The following SLC24A2 variants were observed in gnomAD, a reference collection of about 807,000 sequenced individuals.
SLC24A2 encodes sodium/potassium/calcium exchanger 2.
Under a neutral mutation model 62.0 loss-of-function variants are expected in SLC24A2, and 36 were observed. That is an observed-to-expected ratio of 0.58 (90% confidence interval 0.44 to 0.77). SLC24A2 has a LOEUF of 0.77. Among genes scored for constraint, SLC24A2 ranks in the 30% least tolerant of loss-of-function variants. The pLI is 0.00. For missense variants in SLC24A2, 846 were observed against 817.9 expected (o/e 1.03, Z -0.42); for synonymous variants, 358 against 294.0 (o/e 1.22, Z -2.23).
At chr9:19,773,289 C>T (rs904378927) in intron 2 of SLC24A2, among the ~76,000 whole-genome samples, 1 of 152,134 alleles carries the variant, frequency 6.6e-6, no homozygotes, top group Non-Finnish European at 1.5e-5. Context: ...AATTATACAA[C>T]TAGGGTGAAT....
At chr9:19,947,790 CAAAA>C in the SLC24A2 span, among the ~76,000 whole-genome samples, 12 of 84,968 alleles carry the variant, frequency 1.4e-4, 1 homozygote, top group African/African-American at 3.4e-4. Context: ...GACTCTGTCT[CAAAA>C]AAAAAAAAAA....
intron 4 of SLC24A2, among the ~76,000 whole-genome samples, chr9:19,617,631 C>A (rs914739813): frequency 2.6e-5 from 4 of 152,228 alleles, no homozygotes; most frequent in African/African-American, 7.2e-5. Context: ...ATCTTCACCC[C>A]GGGACTACAG....
chr9:19,867,895 G>C, the SLC24A2 span, among the ~76,000 whole-genome samples: 1 of 152,052 alleles, frequency 6.6e-6, no homozygotes, highest in African/African-American at 2.4e-5. Flanking sequence ...GCAACAGAGC[G>C]AGACTCTGTC....
chr9:19,583,165 C>A (rs926752199), intron 5 of SLC24A2, among the ~76,000 whole-genome samples: 1 of 152,162 alleles, frequency 6.6e-6, no homozygotes, highest in East Asian at 1.9e-4. Flanking sequence ...TACGCTACCC[C>A]TCTCCTCTCT....
chr9:20,104,549 A>G, the SLC24A2 span, among the ~76,000 whole-genome samples: 1 of 152,268 alleles, frequency 6.6e-6, no homozygotes, highest in Admixed American at 6.5e-5. Context: ...AATATTCAGC[A>G]TTCTTAAAGA....
At chr9:20,032,960 T>C in the SLC24A2 span, among the ~76,000 whole-genome samples, 536 of 152,328 alleles carry the variant, frequency 3.5e-3, 2 homozygotes, top group African/African-American at 0.011. Flanking sequence ...ACAGCTGGTA[T>C]GCTTTGCCTT....
rs922204867 is a variant in SLC24A2 at position 19,550,364 on chromosome 9, C to T, written c.1348-96G>A. 16 of 1,317,014 alleles carry T rather than the reference C, an allele frequency of 1.2e-5. No individual in the cohort carries two copies. The African/African-American group carries it at 2.2e-4, about 18-fold the overall frequency. 81.6% of individuals were successfully genotyped at this position (1,317,014 alleles called of 1,614,324 possible). On this transcript the variant is annotated intron_variant, in intron 7 of 10. Coordinates refer to ENST00000341998, the MANE Select transcript of SLC24A2 (RefSeq NM_020344.4). ...ACAGAACAAAGGGGAAGCTCCATGTCTTATCAGTTTTCTGGACTCGTTCCA... is the reference window on the plus strand; with the variant it reads ...ACAGAACAAAGGGGAAGCTCCATGTTTTATCAGTTTTCTGGACTCGTTCCA...
chr9:20,013,500 G>A, the SLC24A2 span, among the ~76,000 whole-genome samples: 1 of 152,168 alleles, frequency 6.6e-6, no homozygotes, highest in African/African-American at 2.4e-5. Flanking sequence ...ACATTGGTCT[G>A]GGCAATGATA....
chr9:20,226,819 G>C, the SLC24A2 span, among the ~76,000 whole-genome samples: 3 of 152,304 alleles, frequency 2.0e-5, no homozygotes, highest in Admixed American at 2.0e-4. Flanking sequence ...TCATGAGTGT[G>C]TATTACAACC....
chr9:20,225,557 AT>A, the SLC24A2 span, among the ~76,000 whole-genome samples: 64 of 107,036 alleles, frequency 6.0e-4, 6 homozygotes, highest in African/African-American at 2.8e-3. Context: ...TATACTATAT[AT>A]ATTATATATA....
At chr9:20,255,941 C>G in the SLC24A2 span, among the ~76,000 whole-genome samples, 1 of 152,126 alleles carries the variant, frequency 6.6e-6, no homozygotes, top group Non-Finnish European at 1.5e-5. Context: ...TGATAATGAA[C>G]AGAAATTTAT....
the SLC24A2 span, among the ~76,000 whole-genome samples, chr9:19,944,417 C>T: frequency 2.0e-5 from 3 of 147,830 alleles, no homozygotes; most frequent in Non-Finnish European, 4.4e-5. Context: ...CATATACCCC[C>T]TGAATCTAGA....
At chr9:19,626,216 C>T (rs1002264978) in intron 2 of SLC24A2, among the ~76,000 whole-genome samples, 42 of 152,142 alleles carry the variant, frequency 2.8e-4, no homozygotes, top group African/African-American at 1.0e-3. Context: ...TGTACATAGC[C>T]TTTCACCACA....
upstream of SLC24A2, among the ~76,000 whole-genome samples, chr9:19,790,090 G>A (rs1823293731): frequency 6.6e-6 from 1 of 151,288 alleles, no homozygotes; most frequent in Non-Finnish European, 1.5e-5. Context: ...AGGCATTCAA[G>A]ACTCAACTTT....
rs10640008 is a variant in SLC24A2 at position 19,519,349 on chromosome 9, TTGTGTGTGTG to T, written c.1736+1535_1736+1544del. Among the ~76,000 whole-genome samples the T allele has an allele frequency of 6.1e-5, 9 of 147,680 alleles. No individual in the cohort carries two copies. The South Asian group carries it at 1.5e-3, about 25-fold the overall frequency. On this transcript the variant is annotated intron_variant, in intron 10 of 10. Coordinates refer to ENST00000341998, the MANE Select transcript of SLC24A2 (RefSeq NM_020344.4). ...AGTGATTTTTTTTCTTTAAACTTCC[TTGTGTGTGTG>T]TGTGTGTGTGTGTGTGTATGTATAC...
chr9:19,584,976 CATTT>C (rs1388847493), intron 5 of SLC24A2, among the ~76,000 whole-genome samples: 1 of 152,000 alleles, frequency 6.6e-6, no homozygotes, highest in Non-Finnish European at 1.5e-5. Flanking sequence ...TGATTAACGA[CATTT>C]AATTATATTA....
At position 19,556,604 on chromosome 9, in the gene SLC24A2, G is replaced by C. The variant is rs117473044; in HGVS notation, c.1348-6336C>G. ...TTTGCCTAAATCCCAGTTGAGGCTT[G>C]ATTCAGGCTGGGAGTGAAGTTCTTA... On this transcript the variant is annotated intron_variant, in intron 7 of 10. Coordinates refer to ENST00000341998, the MANE Select transcript of SLC24A2 (RefSeq NM_020344.4). 6.5e-3 allele frequency among the ~76,000 whole-genome samples: 993 copies of C among 152,326 alleles called. 4 individuals are homozygous for C. The highest frequency in any genetic ancestry group is 0.024 in the Middle Eastern group (7 of 294).
At chr9:20,105,954 G>C in the SLC24A2 span, among the ~76,000 whole-genome samples, 1 of 152,074 alleles carries the variant, frequency 6.6e-6, no homozygotes, top group Non-Finnish European at 1.5e-5. Flanking sequence ...CCGCTGGCAA[G>C]ACTAATAAAG....
At chr9:19,620,085 G>A (rs899654920) in intron 3 of SLC24A2, among the ~76,000 whole-genome samples, 1 of 152,178 alleles carries the variant, frequency 6.6e-6, no homozygotes, top group Non-Finnish European at 1.5e-5. Context: ...AGTGGAGGAT[G>A]GAGGAATGGA....
Sources: gnomAD v4.1 joint callset for allele counts (sites outside exome capture counted in the v4.1 genomes callset) on GRCh38, gnomAD v4.1.1 for gene constraint, MANE v1.5 for transcripts, NCBI Gene and HGNC (gene_info 2026-07-23, HGNC 2026-07-21) for gene names.